EIF4E2: variants seen among roughly 807,000 people sequenced by gnomAD.
EIF4E2 encodes eukaryotic translation initiation factor 4E type 2.
EIF4E2 carries 13 observed loss-of-function variants against 34.2 expected under a neutral mutation model. The ratio of observed to expected loss-of-function variants is 0.38; its 90% confidence interval spans 0.25 to 0.60. The LOEUF is 0.60. Among genes scored for constraint, EIF4E2 ranks in the 20% least tolerant of loss-of-function variants. The probability of loss-of-function intolerance (pLI) is 0.62; values close to 1 mark genes in which losing one functional copy is unlikely to be tolerated. For missense variants in EIF4E2, 222 were observed against 315.1 expected, an observed-to-expected ratio of 0.70 and a Z score of 2.24; for synonymous variants, 100 against 106.6, an observed-to-expected ratio of 0.94 and a Z score of 0.38.
At chr2:232,583,221 C>T (rs1212083277) in exon 7 of EIF4E2, 1 of 152,128 alleles carries the variant, frequency 6.6e-6, no homozygotes, top group African/African-American at 2.4e-5. Context: ...GAGTCGGTCT[C>T]CGCTTTGCAC....
chr2:232,569,557 T>C (rs1177167457), downstream of EIF4E2, among the ~76,000 whole-genome samples: 1 of 152,226 alleles, frequency 6.6e-6, no homozygotes, highest in Non-Finnish European at 1.5e-5. Context: ...GGCCTTTGCT[T>C]CGCTGACTTC....
At position 232,566,538 on chromosome 2, in the gene EIF4E2, T is replaced by C. The variant is rs1045996080; in HGVS notation, c.376-291T>C. 5.3e-5 allele frequency among the ~76,000 whole-genome samples: 8 copies of C among 152,250 alleles called. No homozygotes were observed. Among genetic ancestry groups the C allele is most frequent in the Admixed American group, 6.5e-5 (1 of 15,288 alleles). ...AAACGGATGATCTGTGCTTGAAATA[T>C]GACATCATTTCGTTTTGATTCCTAA... On this transcript the variant is annotated intron_variant, in intron 4 of 6. Coordinates refer to ENST00000258416, the MANE Select transcript of EIF4E2 (RefSeq NM_004846.4). The surrounding 1 kb of genome is among the most constrained non-coding windows in gnomAD (Gnocchi z 4.9).
chr2:232,568,223 G>A, intron 6 of EIF4E2: 1 of 985,378 alleles, frequency 1.0e-6, no homozygotes, highest in Non-Finnish European at 1.2e-6. Flanking sequence ...CAGCAATTAT[G>A]TTCAGCAGAC....
chr2:232,574,416 C>G, intron 6 of EIF4E2: 1 of 1,449,426 alleles, frequency 6.9e-7, no homozygotes, highest in Non-Finnish European at 9.4e-7. Context: ...CCATTTACCC[C>G]CAAACTTGCC....
chr2:232,563,677 C>T (rs180695985), intron 3 of EIF4E2, among the ~76,000 whole-genome samples: 1 of 152,274 alleles, frequency 6.6e-6, no homozygotes, highest in East Asian at 1.9e-4. Flanking sequence ...ATCACTTACG[C>T]TTAGTAACTA....
At chr2:232,565,900 T>C (rs562127990) in intron 4 of EIF4E2, among the ~76,000 whole-genome samples, 1 of 151,846 alleles carries the variant, frequency 6.6e-6, no homozygotes, top group Admixed American at 6.5e-5. Context: ...GAGACCAGCC[T>C]GGCCAATATG....
intron 1 of EIF4E2, chr2:232,551,122 C>A: frequency 1.7e-6 from 1 of 574,986 alleles, no homozygotes. Context: ...ATCCAGCTTT[C>A]CCCACACACT....
chr2:232,550,702 G>C lies in EIF4E2; in HGVS notation c.-23G>C. On this transcript the variant is annotated 5_prime_UTR_variant, in exon 1 of 7. Transcript: ENST00000258416. ...GGAGCGGAAGTCACTCCCTGAGGCA[G>C]TGGCGACAGCGGCGGCGAGAGGATG... 1 of 1,584,848 alleles carries C rather than the reference G, an allele frequency of 6.3e-7. No homozygotes were observed. Among genetic ancestry groups the C allele is most frequent in the Non-Finnish European group, 8.6e-7 (1 of 1,167,186 alleles).
intron 1 of EIF4E2, among the ~76,000 whole-genome samples, chr2:232,553,604 C>T (rs1326611974): frequency 6.6e-6 from 1 of 152,162 alleles, no homozygotes; most frequent in Non-Finnish European, 1.5e-5. Flanking sequence ...GTTTAGGGAG[C>T]ACTGATTTTT....
chr2:232,573,660 C>T (rs200080863), downstream of EIF4E2: 11 of 168,792 alleles, frequency 6.5e-5, no homozygotes, highest in East Asian at 6.5e-4. Flanking sequence ...TTTGAACTGC[C>T]GTGACTTTAA....
At chr2:232,567,348 G>T in intron 6 of EIF4E2, 134 bp downstream of exon 6, 1 of 1,473,534 alleles carries the variant, frequency 6.8e-7, no homozygotes, top group Non-Finnish European at 9.0e-7. Context: ...TCCCTCTAGG[G>T]CTTCTGGCTA....
chr2:232,557,911 C>G lies in EIF4E2; in HGVS notation c.163C>G (p.Pro55Ala), dbSNP rs769552669. 3.1e-6 allele frequency: 5 copies of G among 1,613,886 alleles called. No individual in the cohort carries two copies. In the African/African-American group the frequency reaches 5.3e-5, roughly 17 times the overall value. The change falls in exon 3 of 7, where the codon CCC becomes GCC. Residue 55 changes from proline to alanine, a missense_variant. Coordinates refer to ENST00000258416, the MANE Select transcript of EIF4E2 (RefSeq NM_004846.4). ...TGTTGTCCCTGGACCGGCAGAGCATCCCCTGCAGTACAACTACACTTTTTG... is the reference window on the plus strand; with the variant it reads ...TGTTGTCCCTGGACCGGCAGAGCATGCCCTGCAGTACAACTACACTTTTTG... Reference protein sequence around the residue: ...KAVVPGPAEHPLQYNYTFWYS... With the variant: ...KAVVPGPAEHALQYNYTFWYS...
At chr2:232,583,230 A>T (rs1693401370) in exon 7 of EIF4E2, 1 of 152,216 alleles carries the variant, frequency 6.6e-6, no homozygotes. Context: ...TCCGCTTTGC[A>T]CAGTACCAGA....
downstream of EIF4E2, among the ~76,000 whole-genome samples, chr2:232,570,068 G>C (rs1411387105): frequency 6.6e-6 from 1 of 152,124 alleles, no homozygotes; most frequent in East Asian, 1.9e-4. Flanking sequence ...TGCAAACACT[G>C]GGTCAGCCTG....
chr2:232,577,820 G>C (rs1185341737), intron 6 of EIF4E2, among the ~76,000 whole-genome samples: 1 of 152,118 alleles, frequency 6.6e-6, no homozygotes, highest in African/African-American at 2.4e-5. Context: ...TCACAGCTTT[G>C]CCAGATTGCT....
chr2:232,555,468 A>G (rs774075874), intron 1 of EIF4E2, among the ~76,000 whole-genome samples: 15 of 152,242 alleles, frequency 9.9e-5, no homozygotes, highest in Non-Finnish European at 1.9e-4. Flanking sequence ...GGTAATCCCT[A>G]AAGTTCGTTT....
Position 232,567,223 on chromosome 2 carries a change from T to TG in EIF4E2, c.665+15dup. 1 of 1,613,986 alleles carries TG rather than the reference T, an allele frequency of 6.2e-7. No homozygotes were observed. The highest frequency in any genetic ancestry group is 8.5e-7 in the Non-Finnish European group (1 of 1,179,974). The stretch of plus-strand genomic sequence containing the variant: ...CACACCGACAGCATCAAGTACGTGT[T>TG]GGGGGGTTATGGGAGGACGTGTCCC... On this transcript the variant is annotated intron_variant, in intron 6 of 6. Coordinates refer to ENST00000258416, the MANE Select transcript of EIF4E2 (RefSeq NM_004846.4).
intron 1 of EIF4E2, among the ~76,000 whole-genome samples, chr2:232,555,995 TAGTGAC>T (rs1692505128): frequency 6.6e-6 from 1 of 152,174 alleles, no homozygotes; most frequent in African/African-American, 2.4e-5. Flanking sequence ...TAAACTAAAG[TAGTGAC>T]AGTGAGTGTA....
intron 6 of EIF4E2, chr2:232,568,403 G>A (rs1693008100): frequency 1.0e-6 from 1 of 985,270 alleles, no homozygotes; most frequent in African/African-American, 1.7e-5. Flanking sequence ...GCCAGCCATG[G>A]CTGTGGTTGC....
Sources: gnomAD v4.1 joint callset for allele counts (sites outside exome capture counted in the v4.1 genomes callset) on GRCh38, gnomAD v4.1.1 for gene constraint, Gnocchi (gnomAD v3.1) non-coding constraint, MANE v1.5 for transcripts, NCBI Gene and HGNC (gene_info 2026-07-23, HGNC 2026-07-21) for gene names.